Variants in GABRG3 observed in about 807,000 individuals in gnomAD.
GABRG3 encodes the protein gamma-aminobutyric acid receptor subunit gamma-3.
Under a neutral mutation model 48.8 loss-of-function variants are expected in GABRG3, and 25 were observed. The ratio of observed to expected loss-of-function variants is 0.51; its 90% CI spans 0.37 to 0.72. The LOEUF (loss-of-function observed/expected upper bound fraction) is 0.72. Among genes scored for constraint, GABRG3 ranks in the 30% least tolerant of loss-of-function variants. The pLI is 0.00. For synonymous variants in GABRG3, 227 were observed against 217.6 expected (o/e 1.04, Z -0.38); for missense variants, 394 against 577.9 (o/e 0.68, Z 3.26).
At chr15:27,201,526 G>T (rs1023532496) in intron 3 of GABRG3, among the ~76,000 whole-genome samples, 45 of 151,808 alleles carry the variant, frequency 3.0e-4, no homozygotes, top group African/African-American at 1.1e-3. Context: ...GGAGGAGGGA[G>T]TGTGAGCTGA....
intron 5 of GABRG3, among the ~76,000 whole-genome samples, chr15:27,400,148 C>T (rs1271815189): frequency 6.6e-6 from 1 of 152,124 alleles, no homozygotes; most frequent in Non-Finnish European, 1.5e-5. Context: ...AGCCAGATAT[C>T]GAGAGTTTTA....
chr15:27,178,309 T>C lies in GABRG3; in HGVS notation c.271-148500T>C, dbSNP rs553433577. Among the ~76,000 whole-genome samples, 488 of 152,310 alleles carry C rather than the reference T, an allele frequency of 3.2e-3. 1 individual carries two copies. The highest frequency in any genetic ancestry group is 3.9e-3 in the Non-Finnish European group (262 of 68,034). On this transcript the variant is annotated intron_variant, in intron 3 of 9. Coordinates refer to ENST00000615808, the MANE Select transcript of GABRG3 (RefSeq NM_033223.5). ...TTGCAGTTCACTAGTTGTGGGATGCTCCTTAACAACTGTGATGTGCATTTC... is the reference window on the plus strand; with the variant it reads ...TTGCAGTTCACTAGTTGTGGGATGCCCCTTAACAACTGTGATGTGCATTTC...
At chr15:27,054,093 A>G (rs1244790420) in intron 3 of GABRG3, among the ~76,000 whole-genome samples, 1 of 152,104 alleles carries the variant, frequency 6.6e-6, no homozygotes, top group African/African-American at 2.4e-5. Flanking sequence ...CCCCATCTCT[A>G]CTAAAAAAAA....
At chr15:27,448,829 T>C (rs1408763572) in intron 5 of GABRG3, among the ~76,000 whole-genome samples, 1 of 134,882 alleles carries the variant, frequency 7.4e-6, no homozygotes, top group Non-Finnish European at 1.5e-5. Flanking sequence ...AGTTACGAAG[T>C]TATTTAAAAA....
At chr15:27,023,973 G>A (rs530121624) in intron 2 of GABRG3, among the ~76,000 whole-genome samples, 2 of 152,274 alleles carry the variant, frequency 1.3e-5, no homozygotes, top group East Asian at 1.9e-4. Flanking sequence ...GTTATTTTCT[G>A]TTGCTGTTAT....
chr15:27,241,348 T>A (rs1890121869), intron 3 of GABRG3, among the ~76,000 whole-genome samples: 1 of 152,236 alleles, frequency 6.6e-6, no homozygotes, highest in Non-Finnish European at 1.5e-5. Flanking sequence ...TCTTACCTTT[T>A]TAATTGACCA....
intron 6 of GABRG3, chr15:27,481,148 A>G: frequency 4.8e-6 from 5 of 1,045,722 alleles, no homozygotes; most frequent in Non-Finnish European, 4.6e-6. Context: ...GAATCCACAC[A>G]TAAAAGAAGC....
At chr15:27,406,719 C>A (rs183757015) in intron 5 of GABRG3, among the ~76,000 whole-genome samples, 1 of 152,058 alleles carries the variant, frequency 6.6e-6, no homozygotes, top group Non-Finnish European at 1.5e-5. Flanking sequence ...AATTCTGGAA[C>A]GTCAAGAGGG....
At chr15:27,234,037 T>C (rs1889883437) in intron 3 of GABRG3, among the ~76,000 whole-genome samples, 1 of 152,122 alleles carries the variant, frequency 6.6e-6, no homozygotes, top group Non-Finnish European at 1.5e-5. Flanking sequence ...TAGAGAGAAA[T>C]ATCCCCAAGA....
chr15:27,090,251 TAAA>T (rs1683774667), intron 3 of GABRG3, among the ~76,000 whole-genome samples: 1 of 152,236 alleles, frequency 6.6e-6, no homozygotes, highest in Admixed American at 6.5e-5. Context: ...TATAGGCTAA[TAAA>T]GAGCTCTGAG....
intron 3 of GABRG3, among the ~76,000 whole-genome samples, chr15:27,255,795 C>CT (rs1226696546): frequency 6.6e-6 from 1 of 152,158 alleles, no homozygotes; most frequent in Non-Finnish European, 1.5e-5. Context: ...GGTCTGCTGC[C>CT]TTCAGGGTGG....
At position 27,326,928 on chromosome 15, in the gene GABRG3, C is replaced by T; in HGVS notation, c.390C>T (p.Asp130=). The T allele has an allele frequency of 1.2e-6, 2 of 1,614,008 alleles. No individual in the cohort carries two copies. The highest frequency in any genetic ancestry group is 1.7e-6 in the Non-Finnish European group (2 of 1,179,878). Residue 130 remains aspartate, a synonymous_variant, in exon 4 of 10, where the codon GAC becomes GAT. Coordinates refer to ENST00000615808, the MANE Select transcript of GABRG3 (RefSeq NM_033223.5). The part of the protein sequence containing the change: ...SNMVGLIWIP[D]TIFRNSKTAE... Reference sequence around the variant, plus strand: ...TGGTGGGGTTAATCTGGATCCCAGACACCATCTTCCGCAATTCTAAAACCG... The same window carrying T: ...TGGTGGGGTTAATCTGGATCCCAGATACCATCTTCCGCAATTCTAAAACCG...
intron 3 of GABRG3, among the ~76,000 whole-genome samples, chr15:27,086,607 G>A (rs895410185): frequency 6.6e-5 from 10 of 152,176 alleles, no homozygotes; most frequent in African/African-American, 2.4e-4. Flanking sequence ...TGAAGTTATT[G>A]TATTCAAAGC....
Position 27,536,300 on chromosome 15 carries a change from C to T in GABRG3, c.*3419C>T, listed in dbSNP as rs1891545437. ...GAACAGAGACTCCCTACATACCAGACAGAGAAGGACAAAGTTAGTATAATT... is the reference window on the plus strand; with the variant it reads ...GAACAGAGACTCCCTACATACCAGATAGAGAAGGACAAAGTTAGTATAATT... On this transcript the variant is annotated 3_prime_UTR_variant, in exon 10 of 10. Transcript: ENST00000615808. 1.3e-5 allele frequency: 2 copies of T among 152,188 alleles called. No individual in the cohort carries two copies. The highest frequency in any genetic ancestry group is 6.5e-5 in the Admixed American group (1 of 15,292). 9.4% of individuals were successfully genotyped at this position (152,188 alleles called of 1,614,324 possible). A position where few individuals can be genotyped will look rare whatever the true frequency, so the allele number is the denominator to read the frequency against.
chr15:27,448,636 C>G (rs1289148144), intron 5 of GABRG3, among the ~76,000 whole-genome samples: 3 of 152,118 alleles, frequency 2.0e-5, no homozygotes, highest in African/African-American at 7.2e-5. Flanking sequence ...TTCTGTTATG[C>G]CCTATGTCAT....
rs151083802 is a variant in GABRG3, at chr15:27,371,415, C to G, written c.574+42527C>G. Among the ~76,000 whole-genome samples, 603 of 152,236 alleles carry G rather than the reference C, an allele frequency of 4.0e-3. 5 individuals carry two copies. The highest frequency in any genetic ancestry group is 0.014 in the African/African-American group (568 of 41,534). Reference sequence around the variant, plus strand: ...CATAAAGGAAATTCCTGATCACATTCTGTAAAAAGAAGATTATTTAGAAGC... The same window carrying G: ...CATAAAGGAAATTCCTGATCACATTGTGTAAAAAGAAGATTATTTAGAAGC... On this transcript the variant is annotated intron_variant, in intron 5 of 9. Coordinates refer to ENST00000615808, the MANE Select transcript of GABRG3 (RefSeq NM_033223.5).
chr15:27,110,751 C>A (rs1897535284), intron 3 of GABRG3, among the ~76,000 whole-genome samples: 1 of 152,108 alleles, frequency 6.6e-6, no homozygotes, highest in African/African-American at 2.4e-5. Flanking sequence ...CACTGTAATT[C>A]CTAAACTCAC....
intron 2 of GABRG3, among the ~76,000 whole-genome samples, chr15:27,014,542 C>T (rs1164596445): frequency 2.6e-5 from 4 of 152,088 alleles, no homozygotes; most frequent in Non-Finnish European, 2.9e-5. Flanking sequence ...ATTTCTCCTT[C>T]GACCCTTTGG....
At chr15:27,355,762 G>C (rs1894815652) in intron 5 of GABRG3, among the ~76,000 whole-genome samples, 1 of 152,146 alleles carries the variant, frequency 6.6e-6, no homozygotes, top group Non-Finnish European at 1.5e-5. Context: ...AATGTGGTCT[G>C]GACATACAAT....
Sources: allele counts gnomAD v4.1 joint callset (sites outside exome capture counted in the v4.1 genomes callset), GRCh38; gene constraint gnomAD v4.1.1; transcripts MANE v1.5; gene names NCBI Gene and HGNC (gene_info 2026-07-23, HGNC 2026-07-21).